NLK: variants seen among roughly 807,000 people sequenced by gnomAD.
The protein encoded by NLK is serine/threonine-protein kinase NLK.
NLK carries 11 observed loss-of-function variants against 59.0 expected under a neutral mutation model. That is an observed-to-expected ratio of 0.19 (90% CI 0.12 to 0.31). The LOEUF is 0.31. NLK is among the 10% of genes least tolerant of loss of function. The pLI, the probability that NLK is intolerant of heterozygous loss-of-function variation, is 1.00. For synonymous variants in NLK, 235 were observed against 235.9 expected (o/e 1.00, Z 0.03); for missense variants, 410 against 661.1 (o/e 0.62, Z 4.16).
intron 1 of NLK, among the ~76,000 whole-genome samples, chr17:28,058,055 A>G (rs1412300694): frequency 6.6e-6 from 1 of 152,206 alleles, no homozygotes; most frequent in Non-Finnish European, 1.5e-5. Flanking sequence ...TTCAGTTTAG[A>G]TGCAAAAAGG....
At chr17:28,074,330 T>TA (rs1229337557) in intron 1 of NLK, among the ~76,000 whole-genome samples, 1 of 152,162 alleles carries the variant, frequency 6.6e-6, no homozygotes, top group African/African-American at 2.4e-5. Flanking sequence ...CCCCTGAACT[T>TA]AAAAGTTGGA....
chr17:28,059,960 T>TG (rs1367980418), intron 1 of NLK, among the ~76,000 whole-genome samples: 1 of 152,224 alleles, frequency 6.6e-6, no homozygotes, highest in Non-Finnish European at 1.5e-5. Flanking sequence ...GATTCCTAAG[T>TG]ATTTGTTACC....
At chr17:28,080,627 G>A (rs1230078518) in intron 1 of NLK, among the ~76,000 whole-genome samples, 1 of 152,210 alleles carries the variant, frequency 6.6e-6, no homozygotes, top group Non-Finnish European at 1.5e-5. Context: ...GAAACAGGAT[G>A]GGACCAATAT....
chr17:28,069,946 C>G (rs1222490772), intron 1 of NLK, among the ~76,000 whole-genome samples: 2 of 152,032 alleles, frequency 1.3e-5, no homozygotes, highest in Admixed American at 1.3e-4. Context: ...TATAAGAAAT[C>G]TTTGTCTAGC....
At chr17:28,078,629 T>A in intron 1 of NLK, among the ~76,000 whole-genome samples, 1 of 152,190 alleles carries the variant, frequency 6.6e-6, no homozygotes, top group Non-Finnish European at 1.5e-5. Context: ...CCATTTTACT[T>A]TGTGTTCATT....
At chr17:28,077,746 A>G (rs2142762926) in intron 1 of NLK, among the ~76,000 whole-genome samples, 1 of 152,314 alleles carries the variant, frequency 6.6e-6, no homozygotes, top group South Asian at 2.1e-4. Context: ...ATGTTTGGAA[A>G]CTTTAGCTTC....
intron 1 of NLK, among the ~76,000 whole-genome samples, chr17:28,062,956 GAGACAGCTC>G (rs1293101898): frequency 6.6e-6 from 1 of 152,194 alleles, no homozygotes; most frequent in Non-Finnish European, 1.5e-5. Flanking sequence ...TTTGGTTTTT[GAGACAGCTC>G]TGTCGCCCAG....
intron 7 of NLK, among the ~76,000 whole-genome samples, chr17:28,184,969 G>GTAAA (rs939132805): frequency 5.9e-5 from 9 of 151,958 alleles, no homozygotes; most frequent in Admixed American, 1.3e-4. Context: ...ATAAAAATAA[G>GTAAA]TAAATAAATA....
At position 28,123,068 on chromosome 17, in the gene NLK, A is replaced by G. The variant is rs552750597; in HGVS notation, c.588+336A>G. On this transcript the variant is annotated intron_variant, in intron 2 of 10. Transcript: ENST00000407008. Reference sequence around the variant, plus strand: ...TCACTATTGAGATTAGTGGTTTTCAACCTTAACATATTAGACTCACCTGGG... The same window carrying G: ...TCACTATTGAGATTAGTGGTTTTCAGCCTTAACATATTAGACTCACCTGGG... Among the ~76,000 whole-genome samples, 9 of 152,244 alleles carry G rather than the reference A, an allele frequency of 5.9e-5. No individual in the cohort carries two copies. The East Asian group carries it at 1.3e-3, about 23-fold the overall frequency.
intron 1 of NLK, among the ~76,000 whole-genome samples, chr17:28,063,795 T>C (rs1253411478): frequency 6.6e-6 from 1 of 152,168 alleles, no homozygotes; most frequent in African/African-American, 2.4e-5. Context: ...AGAAGTGCAT[T>C]TGGAAGCTAA....
intron 1 of NLK, among the ~76,000 whole-genome samples, chr17:28,080,425 A>G (rs1379652104): frequency 2.0e-5 from 3 of 152,220 alleles, no homozygotes; most frequent in African/African-American, 7.2e-5. Flanking sequence ...ACCAAAAAAA[A>G]GAAAGATCAT....
intron 1 of NLK, among the ~76,000 whole-genome samples, chr17:28,082,044 C>G (rs1910364188): frequency 6.6e-6 from 1 of 152,154 alleles, no homozygotes. Context: ...CAGGGGCCTA[C>G]CATTATGTCT....
intron 1 of NLK, among the ~76,000 whole-genome samples, chr17:28,051,144 G>A (rs1909239345): frequency 6.6e-6 from 1 of 151,606 alleles, no homozygotes; most frequent in South Asian, 2.1e-4. Context: ...ATTGTATTTA[G>A]CCTGATAGTA....
chr17:28,134,712 G>A (rs1906666815), intron 3 of NLK, among the ~76,000 whole-genome samples: 1 of 152,156 alleles, frequency 6.6e-6, no homozygotes, highest in South Asian at 2.1e-4. Flanking sequence ...ATTGGACTTG[G>A]GGTGCCCCAG....
chr17:28,147,062 G>A (rs1021715812), intron 3 of NLK, among the ~76,000 whole-genome samples: 5 of 152,054 alleles, frequency 3.3e-5, no homozygotes, highest in African/African-American at 1.2e-4. Flanking sequence ...CTCTCTCCTT[G>A]ATTTTTACAT....
At chr17:28,183,213 T>C (rs1908983707) in intron 7 of NLK, among the ~76,000 whole-genome samples, 1 of 152,182 alleles carries the variant, frequency 6.6e-6, no homozygotes. Context: ...TTAGAGCTAA[T>C]GGGAAGAGAT....
At chr17:28,143,561 C>G (rs986955408) in intron 3 of NLK, among the ~76,000 whole-genome samples, 1 of 152,170 alleles carries the variant, frequency 6.6e-6, no homozygotes, top group Non-Finnish European at 1.5e-5. Flanking sequence ...TGTCCATATT[C>G]ATTCTGTAGG....
chr17:28,091,613 T>A (rs183409885), intron 1 of NLK, among the ~76,000 whole-genome samples: 54 of 152,284 alleles, frequency 3.5e-4, no homozygotes, highest in African/African-American at 1.0e-3. Context: ...TTCAGTAATC[T>A]ACCAAATAAA....
At chr17:28,127,028 A>G (rs1229518050) in intron 2 of NLK, among the ~76,000 whole-genome samples, 1 of 152,166 alleles carries the variant, frequency 6.6e-6, no homozygotes, top group Non-Finnish European at 1.5e-5. Context: ...CTTGTCCTCT[A>G]AAGCCCATTT....
Sources: allele counts gnomAD v4.1 joint callset (sites outside exome capture counted in the v4.1 genomes callset), GRCh38; gene constraint gnomAD v4.1.1; transcripts MANE v1.5; gene names NCBI Gene and HGNC (gene_info 2026-07-23, HGNC 2026-07-21).